The following HGD variants were observed in gnomAD, a reference collection of about 807,000 sequenced individuals.
The protein encoded by HGD is homogentisate 1,2-dioxygenase.
HGD carries 61 observed loss-of-function variants against 60.8 expected under a neutral mutation model. The observed-to-expected ratio is 1.00, with a 90% CI of 0.82 to 1.24. The LOEUF is 1.24. Among genes scored for constraint, HGD ranks in the 50% most tolerant of loss-of-function variants. HGD has a pLI of 0.00. For synonymous variants in HGD, 212 were observed against 187.7 expected (o/e 1.13, Z -1.06); for missense variants, 542 against 547.1 (o/e 0.99, Z 0.09).
intron 6 of HGD, among the ~76,000 whole-genome samples, chr3:120,650,289 A>G (rs1941298903): frequency 1.3e-5 from 2 of 152,150 alleles, no homozygotes; most frequent in African/African-American, 2.4e-5. Flanking sequence ...TACACCTTAT[A>G]TGTGTTGACT....
At chr3:120,673,878 T>A (rs550861909) in intron 3 of HGD, among the ~76,000 whole-genome samples, 9 of 152,314 alleles carry the variant, frequency 5.9e-5, no homozygotes, top group Non-Finnish European at 1.2e-4. Flanking sequence ...ATAGGTACCA[T>A]AATTATCTTT....
chr3:120,644,434 C>T lies in HGD; in HGVS notation c.659G>A (p.Gly220Asp). ...LPDLGPIGANGLANPRDFLIP... is the reference protein window; with the variant it reads ...LPDLGPIGANDLANPRDFLIP... ...CAAGAAATCACGAGGATTGGCCAAG[C>T]CATTGGCCCCTAGAAAACAGTAACC... Residue 220 changes from glycine (G) to aspartate (D), a missense_variant, in exon 10 of 14, where the codon GGC becomes GAC. Physicochemically the swap from Gly to Asp is moderately conservative, Grantham distance 94. Coordinates refer to ENST00000283871, the MANE Select transcript of HGD (RefSeq NM_000187.4). The T allele has an allele frequency of 6.2e-7, 1 of 1,614,060 alleles. No homozygotes were observed.
chr3:120,675,139 G>T, intron 2 of HGD, 150 bp from the exon 3 acceptor site: 1 of 653,280 alleles, frequency 1.5e-6, no homozygotes, highest in Non-Finnish European at 2.9e-6. Flanking sequence ...AACTTTTGAT[G>T]TGACTTGCCC....
intron 13 of HGD, among the ~76,000 whole-genome samples, chr3:120,630,798 T>TTATA (rs61375071): frequency 0.02 from 1,785 of 87,948 alleles, 91 homozygotes; most frequent in African/African-American, 0.096. Flanking sequence ...CTTAAGAGCT[T>TTATA]TATATATATA....
At chr3:120,640,051 T>C (rs1940918457) in intron 11 of HGD, among the ~76,000 whole-genome samples, 1 of 150,686 alleles carries the variant, frequency 6.6e-6, no homozygotes, top group Non-Finnish European at 1.5e-5. Context: ...CCTGAAAGGG[T>C]CAAGGAAGGC....
chr3:120,681,265 C>G (rs1284560439), intron 1 of HGD, among the ~76,000 whole-genome samples: 1 of 152,232 alleles, frequency 6.6e-6, no homozygotes, highest in Non-Finnish European at 1.5e-5. Context: ...CTGGGCAGTT[C>G]TGTTCAGTTA....
chr3:120,641,962 AG>A (rs1347299427), intron 10 of HGD, among the ~76,000 whole-genome samples: 3 of 152,188 alleles, frequency 2.0e-5, no homozygotes, highest in African/African-American at 7.2e-5. Context: ...ACATTCTCCA[AG>A]TAGTGCCTTT....
chr3:120,673,705 GA>G (rs936988187), intron 3 of HGD, among the ~76,000 whole-genome samples: 5 of 152,100 alleles, frequency 3.3e-5, no homozygotes, highest in African/African-American at 1.2e-4. Flanking sequence ...AGATACCCTG[GA>G]AATGAGGCAG....
intron 7 of HGD, 21 bp downstream of exon 7, chr3:120,647,856 T>G: frequency 6.3e-7 from 1 of 1,595,708 alleles, no homozygotes; most frequent in South Asian, 1.1e-5. Flanking sequence ...AGTGAGGGGG[T>G]CTGAAGTCTT....
chr3:120,664,223 C>A (rs1323080781), intron 4 of HGD, among the ~76,000 whole-genome samples: 1 of 151,760 alleles, frequency 6.6e-6, no homozygotes, highest in Non-Finnish European at 1.5e-5. Context: ...GCATGAAGAG[C>A]TTGGGGAAGG....
intron 4 of HGD, among the ~76,000 whole-genome samples, chr3:120,665,023 G>A (rs975659771): frequency 6.6e-6 from 1 of 152,186 alleles, no homozygotes; most frequent in Non-Finnish European, 1.5e-5. Flanking sequence ...GTGATAAAGT[G>A]GGTTTAGATT....
At chr3:120,640,298 A>G (rs1312743773) in intron 11 of HGD, among the ~76,000 whole-genome samples, 2 of 152,008 alleles carry the variant, frequency 1.3e-5, no homozygotes, top group Non-Finnish European at 2.9e-5. Context: ...GGGAAATGAC[A>G]TTTTAATCAC....
chr3:120,676,486 G>C (rs1708133564), intron 1 of HGD, among the ~76,000 whole-genome samples: 2 of 152,168 alleles, frequency 1.3e-5, no homozygotes, highest in South Asian at 4.1e-4. Context: ...AAGTCATGGA[G>C]AGCCCCTGAA....
intron 4 of HGD, among the ~76,000 whole-genome samples, chr3:120,667,326 CAAAAAAAAA>C (rs71133514): frequency 1.7e-5 from 1 of 60,046 alleles, no homozygotes; most frequent in African/African-American, 7.1e-5. Flanking sequence ...ACTCTTGTCT[CAAAAAAAAA>C]AAAAAAAAAA....
At chr3:120,669,447 G>GCACACACACA (rs59426684) in intron 4 of HGD, among the ~76,000 whole-genome samples, 367 of 145,716 alleles carry the variant, frequency 2.5e-3, no homozygotes, top group Admixed American at 4.5e-3. Flanking sequence ...GTGCGCATGT[G>GCACACACACA]CACACACACA....
Position 120,641,595 on chromosome 3 carries a change from G to A in HGD, c.873C>T (p.Asp291=), listed in dbSNP as rs754428438. 1 of 1,611,424 alleles carries A rather than the reference G, an allele frequency of 6.2e-7. No homozygotes were observed. The change falls in exon 11 of 14, where the codon GAC becomes GAT. Residue 291 remains aspartate, a synonymous_variant. Coordinates refer to ENST00000283871, the MANE Select transcript of HGD (RefSeq NM_000187.4). ...CTACAGGGTTCAGACTTACTGCATG[G>A]TCAAAGGCCACTGAGTTGATAACCA... ...NFMVINSVAF[D]HADPSIFTVL... is the part of the protein sequence containing the mutation.
At chr3:120,645,273 C>T (rs577773378) in intron 9 of HGD, among the ~76,000 whole-genome samples, 6 of 152,296 alleles carry the variant, frequency 3.9e-5, no homozygotes, top group Non-Finnish European at 7.3e-5. Context: ...GGATGACAGA[C>T]GGCCCACCAC....
intron 11 of HGD, among the ~76,000 whole-genome samples, chr3:120,639,939 T>C (rs536859865): frequency 5.9e-5 from 9 of 152,248 alleles, no homozygotes; most frequent in African/African-American, 2.2e-4. Context: ...TCATGTTCCC[T>C]TTCAGATGCC....
intron 4 of HGD, among the ~76,000 whole-genome samples, chr3:120,656,431 G>A (rs1282402981): frequency 6.6e-6 from 1 of 152,130 alleles, no homozygotes; most frequent in Non-Finnish European, 1.5e-5. Context: ...AAAATCAATT[G>A]TAATGCCCAA....
Sources: gnomAD v4.1 joint callset for allele counts (sites outside exome capture counted in the v4.1 genomes callset) on GRCh38, gnomAD v4.1.1 for gene constraint, MANE v1.5 for transcripts, NCBI Gene and HGNC (gene_info 2026-07-23, HGNC 2026-07-21) for gene names.